The following SERPINB7 variants were observed in gnomAD, a reference collection of about 807,000 sequenced individuals.
The protein encoded by SERPINB7 is serpin family B member 7, also known as serpin B7.
A neutral mutation model predicts 37.4 loss-of-function variants in SERPINB7; 31 were observed. The observed-to-expected ratio is 0.83, with a 90% CI of 0.62 to 1.12. The LOEUF (loss-of-function observed/expected upper bound fraction) is 1.12. Ranked by LOEUF, SERPINB7 falls within the 50% of genes most tolerant of loss-of-function variation. SERPINB7 has a pLI of 0.00. For synonymous variants in SERPINB7, 163 were observed against 166.1 expected, an observed-to-expected ratio of 0.98 and a Z score of 0.14; for missense variants, 521 against 455.3, an observed-to-expected ratio of 1.14 and a Z score of -1.31.
intron 2 of SERPINB7, among the ~76,000 whole-genome samples, chr18:63,791,223 G>A (rs1426000613): frequency 6.6e-6 from 1 of 152,038 alleles, no homozygotes; most frequent in Non-Finnish European, 1.5e-5. Flanking sequence ...AAACCACCAT[G>A]GCATGTGTAT....
intron 7 of SERPINB7, among the ~76,000 whole-genome samples, chr18:63,802,922 C>T (rs2049565505): frequency 6.6e-6 from 1 of 152,094 alleles, no homozygotes; most frequent in Non-Finnish European, 1.5e-5. Context: ...ACTATTAAAT[C>T]TAAAGTATGA....
intron 2 of SERPINB7, among the ~76,000 whole-genome samples, chr18:63,785,179 G>A (rs1024392384): frequency 2.6e-5 from 4 of 152,284 alleles, no homozygotes; most frequent in Admixed American, 2.0e-4. Context: ...CTCTGTAAAT[G>A]TCTTCTAGGA....
intron 4 of SERPINB7, among the ~76,000 whole-genome samples, chr18:63,793,524 G>A (rs747060728): frequency 6.6e-6 from 1 of 152,176 alleles, no homozygotes; most frequent in Non-Finnish European, 1.5e-5. Flanking sequence ...TCTATTGGTA[G>A]GGATGCTGAG....
chr18:63,785,403 C>G (rs922201192), intron 2 of SERPINB7, among the ~76,000 whole-genome samples: 1 of 152,116 alleles, frequency 6.6e-6, no homozygotes, highest in East Asian at 1.9e-4. Flanking sequence ...ATCTCTTTAA[C>G]CCAATCTTTT....
chr18:63,771,352 G>T (rs1350883711), upstream of SERPINB7, among the ~76,000 whole-genome samples: 1 of 152,038 alleles, frequency 6.6e-6, no homozygotes, highest in African/African-American at 2.4e-5. Context: ...ATGGTTTCCT[G>T]CATAGACTGG....
chr18:63,786,783 C>T (rs537523902), intron 2 of SERPINB7, among the ~76,000 whole-genome samples: 3 of 152,118 alleles, frequency 2.0e-5, no homozygotes, highest in South Asian at 2.1e-4. Flanking sequence ...GTATAGCACA[C>T]TTTGTATTTC....
intron 2 of SERPINB7, among the ~76,000 whole-genome samples, chr18:63,785,526 C>T (rs768139032): frequency 7.9e-5 from 12 of 152,182 alleles, no homozygotes; most frequent in Non-Finnish European, 1.6e-4. Flanking sequence ...TCATGAAACT[C>T]TGGCTCATTT....
intron 7 of SERPINB7, among the ~76,000 whole-genome samples, chr18:63,803,904 T>A (rs1040403162): frequency 2.0e-4 from 30 of 152,322 alleles, no homozygotes; most frequent in African/African-American, 7.0e-4. Flanking sequence ...CCTTTCTCCC[T>A]CTAATGGTCT....
At position 63,804,228 on chromosome 18, in the gene SERPINB7, T is replaced by A. The variant is rs1187887815; in HGVS notation, c.745-9T>A. 3 of 1,526,896 alleles carry A rather than the reference T, an allele frequency of 2.0e-6. No homozygotes were observed. In the Admixed American group the frequency reaches 6.5e-5, roughly 33 times the overall value. The allele number at this position is 1,526,896 out of a possible 1,614,324, so 94.6% of individuals were successfully genotyped here. ...ATGATTCTAAATTATCTCTGAATTA[T>A]TTTTACAGATTGAAAACAAACTGAC... On this transcript the variant is annotated splice_polypyrimidine_tract_variant and intron_variant, in intron 7 of 7. Coordinates refer to ENST00000398019, the MANE Select transcript of SERPINB7 (RefSeq NM_003784.4).
intron 2 of SERPINB7, among the ~76,000 whole-genome samples, chr18:63,783,274 G>GAA (rs1365503533): frequency 6.7e-6 from 1 of 149,426 alleles, no homozygotes; most frequent in African/African-American, 2.5e-5. Flanking sequence ...AAGAAAGAAA[G>GAA]AAAGAAAGAA....
chr18:63,799,041 G>A (rs1184532424), intron 6 of SERPINB7, among the ~76,000 whole-genome samples: 1 of 152,096 alleles, frequency 6.6e-6, no homozygotes, highest in African/African-American at 2.4e-5. Context: ...AGACCTATAA[G>A]AAAATATATG....
chr18:63,776,929 C>T (rs956787427), intron 1 of SERPINB7, among the ~76,000 whole-genome samples: 1 of 151,936 alleles, frequency 6.6e-6, no homozygotes, highest in Non-Finnish European at 1.5e-5. Context: ...TCAATATATT[C>T]TAACGCATCT....
intron 1 of SERPINB7, among the ~76,000 whole-genome samples, chr18:63,769,688 C>T (rs920981356): frequency 5.9e-5 from 9 of 152,180 alleles, no homozygotes; most frequent in Non-Finnish European, 1.2e-4. Flanking sequence ...CTCTCATCTG[C>T]CCTGTTTTTG....
intron 2 of SERPINB7, among the ~76,000 whole-genome samples, chr18:63,783,209 AGAGAGAG>A (rs2049323036): frequency 3.9e-5 from 3 of 76,534 alleles, no homozygotes; most frequent in East Asian, 3.7e-4. Flanking sequence ...AGAGAGAGAG[AGAGAGAG>A]AGAGAGAGAG....
Position 63,782,415 on chromosome 18 carries a change from C to T in SERPINB7, c.43C>T (p.Leu15=). The change falls in exon 2 of 8, where the codon CTG becomes TTG. Residue 15 remains leucine (L), a synonymous_variant. Transcript: ENST00000398019. ...AAANAEFCFN[L]FREMDDNQGN... ...AGCAAATGCAGAGTTTTGCTTCAAC[C>T]TGTTCAGAGAGATGGATGACAATCA... The T allele has an allele frequency of 6.2e-7, 1 of 1,613,992 alleles. No individual in the cohort carries two copies. Among genetic ancestry groups the T allele is most frequent in the East Asian group, 2.2e-5 (1 of 44,876 alleles).
At chr18:63,771,469 T>C (rs985914510), upstream of SERPINB7, among the ~76,000 whole-genome samples, 3 of 152,152 alleles carry the variant, frequency 2.0e-5, no homozygotes, top group Non-Finnish European at 4.4e-5. Context: ...AGATAAACTT[T>C]TAATAGTTTC....
chr18:63,765,249 G>A (rs1568200818), intron 1 of SERPINB7, among the ~76,000 whole-genome samples: 1 of 152,060 alleles, frequency 6.6e-6, no homozygotes, highest in Non-Finnish European at 1.5e-5. Flanking sequence ...AAGTCCAGAT[G>A]TTATCTTGTT....
intron 1 of SERPINB7, among the ~76,000 whole-genome samples, chr18:63,763,135 C>A (rs970709979): frequency 5.9e-5 from 9 of 152,064 alleles, no homozygotes; most frequent in African/African-American, 2.2e-4. Context: ...AGATTGGGCA[C>A]CATTGCTGAT....
chr18:63,768,943 A>G (rs982888977), intron 1 of SERPINB7, among the ~76,000 whole-genome samples: 1 of 152,164 alleles, frequency 6.6e-6, no homozygotes, highest in East Asian at 1.9e-4. Flanking sequence ...AAAAAGGACT[A>G]GTATTCCATT....
Sources: gnomAD v4.1 joint callset for allele counts (sites outside exome capture counted in the v4.1 genomes callset) on GRCh38, gnomAD v4.1.1 for gene constraint, MANE v1.5 for transcripts, NCBI Gene and HGNC (gene_info 2026-07-23, HGNC 2026-07-21) for gene names.